The following SIK3 variants were observed in gnomAD, a reference collection of about 807,000 sequenced individuals.
SIK3 encodes the protein serine/threonine-protein kinase SIK3.
SIK3 carries 28 observed loss-of-function variants against 144.2 expected under a neutral mutation model. That is an observed-to-expected ratio of 0.19 (90% confidence interval 0.14 to 0.27). SIK3 has a LOEUF of 0.27. Among genes scored for constraint, SIK3 ranks in the 10% least tolerant of loss-of-function variants. The pLI, the probability that SIK3 is intolerant of heterozygous loss-of-function variation, is 1.00. For synonymous variants in SIK3, 686 were observed against 676.3 expected, an observed-to-expected ratio of 1.01 and a Z score of -0.22; for missense variants, 1,319 against 1,776.0, an observed-to-expected ratio of 0.74 and a Z score of 4.62.
intron 17 of SIK3, 85 bp downstream of exon 17, chr11:116,862,117 G>A: frequency 8.8e-6 from 14 of 1,587,338 alleles, no homozygotes; most frequent in Non-Finnish European, 1.2e-5. Context: ...ACTTTGCACT[G>A]AGTGGTCTCC....
chr11:117,017,316 T>C (rs1413478821), intron 1 of SIK3, among the ~76,000 whole-genome samples: 5 of 152,312 alleles, frequency 3.3e-5, no homozygotes, highest in South Asian at 4.2e-4. Flanking sequence ...AGCATGTTGA[T>C]TGGACACAGC....
At chr11:117,002,728 G>A (rs1276318551) in intron 1 of SIK3, among the ~76,000 whole-genome samples, 2 of 152,112 alleles carry the variant, frequency 1.3e-5, no homozygotes, top group African/African-American at 2.4e-5. Context: ...ATAATAAAAT[G>A]CTTGTCACTA....
At chr11:116,881,518 G>A (rs947988422) in intron 6 of SIK3, among the ~76,000 whole-genome samples, 15 of 152,136 alleles carry the variant, frequency 9.9e-5, no homozygotes, top group African/African-American at 1.9e-4. Context: ...GTGTGAGTCC[G>A]TATCTGTGAA....
intron 4 of SIK3, 94 bp downstream of exon 4, chr11:116,927,125 T>G: frequency 1.1e-6 from 1 of 879,000 alleles, no homozygotes; most frequent in African/African-American, 1.7e-5. Context: ...ACAATAGTTC[T>G]TTCTGAAGAG....
intron 1 of SIK3, among the ~76,000 whole-genome samples, chr11:116,979,854 CAAAG>C (rs1294681596): frequency 6.6e-6 from 1 of 150,642 alleles, no homozygotes; most frequent in African/African-American, 2.4e-5. Flanking sequence ...CTCCAACAAA[CAAAG>C]AAAAAAAAGA....
At chr11:117,047,869 A>G (rs1315414768) in intron 1 of SIK3, among the ~76,000 whole-genome samples, 1 of 152,162 alleles carries the variant, frequency 6.6e-6, no homozygotes, top group Non-Finnish European at 1.5e-5. Flanking sequence ...GATCGTACTG[A>G]TTTTTTTCTA....
At chr11:117,037,658 T>C (rs1952570605) in intron 1 of SIK3, among the ~76,000 whole-genome samples, 1 of 152,182 alleles carries the variant, frequency 6.6e-6, no homozygotes, top group African/African-American at 2.4e-5. Context: ...GCAAAGGATG[T>C]GAATCTGACA....
At chr11:116,971,788 G>GA (rs546306323) in intron 1 of SIK3, among the ~76,000 whole-genome samples, 19 of 151,930 alleles carry the variant, frequency 1.3e-4, no homozygotes, top group Non-Finnish European at 2.5e-4. Context: ...TACTGCACTT[G>GA]AAAAAAATGA....
chr11:116,870,347 G>T lies in SIK3; in HGVS notation c.1792C>A (p.Gln598Lys). Residue 598 changes from glutamine to lysine, a missense_variant, in exon 14 of 25, where the codon CAG becomes AAG. Physicochemically the swap from Gln to Lys is moderately conservative, Grantham distance 53 (BLOSUM62 1). This residue lies in a region of SIK3 where 167 missense variants were observed against 263.3 expected (regional missense o/e 0.63). Coordinates refer to ENST00000445177, the MANE Select transcript of SIK3 (RefSeq NM_001366686.3). ...DEESSDGEPDQEAVQRYLANR... is the reference protein window; with the variant it reads ...DEESSDGEPDKEAVQRYLANR... ...TCACATTACCTCTGCACAGCTTCCT[G>T]GTCTGGCTCCCCGTCTGAGCTCTCC... 1.5e-5 allele frequency: 24 copies of T among 1,613,212 alleles called. No individual in the cohort carries two copies. The highest frequency in any genetic ancestry group is 2.0e-5 in the Non-Finnish European group (24 of 1,180,022).
intron 1 of SIK3, among the ~76,000 whole-genome samples, chr11:116,967,017 A>AAAG (rs1565509182): frequency 2.7e-5 from 4 of 147,398 alleles, no homozygotes; most frequent in Non-Finnish European, 4.5e-5. Flanking sequence ...AAAAAAAAGA[A>AAAG]AAAGAAAAAG....
Position 116,892,229 on chromosome 11 carries a change from A to G in SIK3, c.865+4024T>C, listed in dbSNP as rs558282755. 9.8e-5 allele frequency among the ~76,000 whole-genome samples: 15 copies of G among 152,326 alleles called. No individual in the cohort carries two copies. The East Asian group carries it at 2.7e-3, about 27-fold the overall frequency. On this transcript the variant is annotated intron_variant, in intron 6 of 24. Coordinates refer to ENST00000445177, the MANE Select transcript of SIK3 (RefSeq NM_001366686.3). Reference sequence around the variant, plus strand: ...AGAAAGATGTTGTAAAGATGAAAAGATCTAAAGGATGAGCAGAGAAAAATA... The same window carrying G: ...AGAAAGATGTTGTAAAGATGAAAAGGTCTAAAGGATGAGCAGAGAAAAATA...
At chr11:117,002,021 T>C (rs1019151068) in intron 1 of SIK3, among the ~76,000 whole-genome samples, 4 of 152,248 alleles carry the variant, frequency 2.6e-5, no homozygotes, top group African/African-American at 9.6e-5. Flanking sequence ...TCCCATTGCC[T>C]GCCACTTCTT....
At position 116,847,482 on chromosome 11, in the gene SIK3, T is replaced by C; in HGVS notation, c.3946A>G (p.Asn1316Asp). Residue 1316 changes from asparagine (N) to aspartate (D), a missense_variant, in exon 23 of 25, where the codon AAT (asparagine) becomes GAT (aspartate). Transcript: ENST00000445177. ...MGSQQFQDGE[N>D]EECGASLGGH... ...CATGCATAAGGCTCCTCACCCTCAT[T>C]TTCCCCATCCTGAAACTGCTGGCTG... 2 of 1,614,020 alleles carry C rather than the reference T, an allele frequency of 1.2e-6. No individual in the cohort carries two copies. Among genetic ancestry groups the C allele is most frequent in the Non-Finnish European group, 1.7e-6 (2 of 1,179,992 alleles).
intron 1 of SIK3, among the ~76,000 whole-genome samples, chr11:116,985,282 A>C (rs761381053): frequency 1.2e-4 from 19 of 152,296 alleles, no homozygotes; most frequent in South Asian, 2.1e-4. Context: ...CAGATTTGGG[A>C]GGCAAAGTTA....
intron 6 of SIK3, among the ~76,000 whole-genome samples, chr11:116,895,131 C>G (rs1197719668): frequency 6.6e-6 from 1 of 152,132 alleles, no homozygotes; most frequent in Non-Finnish European, 1.5e-5. Flanking sequence ...CTCCCTCTTA[C>G]CTCTCTGACC....
chr11:117,072,224 C>CA lies in SIK3; in HGVS notation c.273+25918dup, dbSNP rs1179557092. 3.0e-4 allele frequency among the ~76,000 whole-genome samples: 45 copies of CA among 151,868 alleles called. 2 individuals carry two copies. The highest frequency in any genetic ancestry group is 8.8e-5 in the Non-Finnish European group (6 of 67,916). ...CCAACATGGCAAAACCCCATCTCCA[C>CA]AAAAAATACAAAAATTAGCCAGGCC... On this transcript the variant is annotated intron_variant, in intron 1 of 24. Transcript: ENST00000445177.
In SIK3 at chr11:116,998,299, G is replaced by A. The variant is rs372888814; in HGVS notation, c.274-41235C>T. 9.9e-5 allele frequency among the ~76,000 whole-genome samples: 15 copies of A among 151,832 alleles called. No individual in the cohort carries two copies. The East Asian group carries it at 2.5e-3, about 25-fold the overall frequency. On this transcript the variant is annotated intron_variant, in intron 1 of 24. Coordinates refer to ENST00000445177, the MANE Select transcript of SIK3 (RefSeq NM_001366686.3). ...AGCCTGACTAACATGGTGAAACCCC[G>A]TCTCTACTAAAAATACAAAAAATTA...
chr11:117,090,215 T>C (rs1955182934), intron 1 of SIK3, among the ~76,000 whole-genome samples: 1 of 152,150 alleles, frequency 6.6e-6, no homozygotes, highest in South Asian at 2.1e-4. Context: ...CACGGGACTG[T>C]ATGACTACAT....
intron 9 of SIK3, among the ~76,000 whole-genome samples, 190 bp downstream of exon 9, chr11:116,875,676 T>C (rs561702471): frequency 6.6e-6 from 1 of 152,288 alleles, no homozygotes. Flanking sequence ...CTATTGTTGC[T>C]CATCCCTCCT....
Sources: allele counts gnomAD v4.1 joint callset (sites outside exome capture counted in the v4.1 genomes callset), GRCh38; gene constraint gnomAD v4.1.1; regional missense constraint gnomAD v4.1.1; transcripts MANE v1.5; gene names NCBI Gene and HGNC (gene_info 2026-07-23, HGNC 2026-07-21).